CCDC171: variants seen among roughly 807,000 people sequenced by gnomAD.
The protein encoded by CCDC171 is coiled-coil domain containing 171.
Under a neutral mutation model 168.2 loss-of-function variants are expected in CCDC171, and 177 were observed. That is an observed-to-expected ratio of 1.05 (90% CI 0.93 to 1.19). The LOEUF (loss-of-function observed/expected upper bound fraction) is 1.19. Ranked by LOEUF, CCDC171 falls within the 50% of genes most tolerant of loss-of-function variation. CCDC171 has a pLI of 0.00. For missense variants in CCDC171, 1,991 were observed against 1,539.0 expected (o/e 1.29, Z -4.91); for synonymous variants, 687 against 540.8 (o/e 1.27, Z -3.75).
At chr9:15,770,242 A>G (rs1382731197) in intron 18 of CCDC171, among the ~76,000 whole-genome samples, 1 of 152,214 alleles carries the variant, frequency 6.6e-6, no homozygotes, top group Non-Finnish European at 1.5e-5. Flanking sequence ...CCACCCAAAA[A>G]GTTCAATGTT....
intron 12 of CCDC171, among the ~76,000 whole-genome samples, chr9:15,722,835 A>G (rs1034302977): frequency 1.3e-5 from 2 of 152,234 alleles, no homozygotes; most frequent in Non-Finnish European, 1.5e-5. Flanking sequence ...TTAAATTTCT[A>G]TGAGGAACAA....
Position 15,940,029 on chromosome 9 carries a change from T to C in CCDC171, c.3753+19607T>C, listed in dbSNP as rs932615268. On this transcript the variant is annotated intron_variant, in intron 25 of 25. Transcript: ENST00000380701. ...TTTTGTTTCTTCCAACAAAAATACT[T>C]TTGCTTTACTCAATGCGTACACTCT... 2.0e-5 allele frequency among the ~76,000 whole-genome samples: 3 copies of C among 151,912 alleles called. No homozygotes were observed. In the East Asian group the frequency reaches 5.8e-4, roughly 30 times the overall value.
intron 6 of CCDC171, among the ~76,000 whole-genome samples, chr9:16,032,881 T>C (rs568541945): frequency 6.6e-6 from 1 of 152,276 alleles, no homozygotes; most frequent in African/African-American, 2.4e-5. Flanking sequence ...CAGGGACAAA[T>C]GCACAGGCTC....
chr9:15,576,265 C>T (rs902434405), intron 3 of CCDC171, among the ~76,000 whole-genome samples: 2 of 151,692 alleles, frequency 1.3e-5, no homozygotes, highest in South Asian at 2.1e-4. Flanking sequence ...CTCCCTACAG[C>T]CTGGAACTCC....
intron 6 of CCDC171, among the ~76,000 whole-genome samples, chr9:15,621,617 A>C (rs1403920704): frequency 6.6e-6 from 1 of 152,242 alleles, no homozygotes; most frequent in African/African-American, 2.4e-5. Flanking sequence ...ATTATTAAAA[A>C]GTCAAAAAAT....
intron 21 of CCDC171, among the ~76,000 whole-genome samples, chr9:15,786,194 G>A (rs1270044452): frequency 6.6e-6 from 1 of 151,982 alleles, no homozygotes; most frequent in Non-Finnish European, 1.5e-5. Flanking sequence ...TCAACCTAAT[G>A]CATATTATTT....
chr9:15,714,719 G>C (rs2052946497), intron 11 of CCDC171, among the ~76,000 whole-genome samples: 1 of 152,150 alleles, frequency 6.6e-6, no homozygotes. Context: ...TTATTCACAG[G>C]TCCCTAGGTC....
chr9:15,578,536 C>A (rs1332755623), intron 3 of CCDC171, among the ~76,000 whole-genome samples: 1 of 151,002 alleles, frequency 6.6e-6, no homozygotes. Context: ...TCTCAAAGTG[C>A]TGGGATTACA....
At chr9:15,811,254 C>G (rs1390441932) in intron 21 of CCDC171, among the ~76,000 whole-genome samples, 2 of 152,180 alleles carry the variant, frequency 1.3e-5, no homozygotes, top group African/African-American at 4.8e-5. Context: ...AGTTATCAAA[C>G]TCTCTAACAA....
At chr9:15,587,349 T>C (rs930103903) in intron 4 of CCDC171, among the ~76,000 whole-genome samples, 5 of 152,202 alleles carry the variant, frequency 3.3e-5, no homozygotes, top group East Asian at 1.9e-4. Flanking sequence ...TCTTGTGATA[T>C]GGGTCTCACG....
intron 6 of CCDC171, among the ~76,000 whole-genome samples, chr9:15,596,621 A>G (rs200139487): frequency 2.0e-5 from 3 of 151,774 alleles, no homozygotes; most frequent in African/African-American, 4.8e-5. Context: ...TTGACTTGGC[A>G]ATGTGGGCTC....
intron 7 of CCDC171, among the ~76,000 whole-genome samples, chr9:15,635,457 G>C (rs1460966549): frequency 6.6e-6 from 1 of 152,114 alleles, no homozygotes; most frequent in African/African-American, 2.4e-5. Flanking sequence ...AGGGCAGGAA[G>C]CATCCAGCAC....
chr9:16,010,839 A>G (rs1052186890), intron 3 of CCDC171, among the ~76,000 whole-genome samples: 3 of 152,064 alleles, frequency 2.0e-5, no homozygotes, highest in Non-Finnish European at 2.9e-5. Context: ...AAAGCCATGG[A>G]CATGGGTTAG....
At chr9:15,613,789 C>A (rs988895487) in intron 6 of CCDC171, among the ~76,000 whole-genome samples, 2 of 152,038 alleles carry the variant, frequency 1.3e-5, no homozygotes, top group Admixed American at 1.3e-4. Flanking sequence ...TCCCAAAGTG[C>A]GGGGATTACA....
chr9:15,826,596 G>A (rs1040342020), intron 21 of CCDC171, among the ~76,000 whole-genome samples: 26 of 152,124 alleles, frequency 1.7e-4, no homozygotes, highest in African/African-American at 6.0e-4. Context: ...GGGAAAGCCT[G>A]GGTCACATCG....
At chr9:16,038,861 C>G (rs1381513739), upstream of CCDC171, among the ~76,000 whole-genome samples, 1 of 94,222 alleles carries the variant, frequency 1.1e-5, no homozygotes, top group South Asian at 3.5e-4. Context: ...AAAGACCTAT[C>G]AGGCCAAAAA....
chr9:15,902,745 C>T (rs1028985682), intron 24 of CCDC171, among the ~76,000 whole-genome samples: 2 of 152,204 alleles, frequency 1.3e-5, no homozygotes, highest in Non-Finnish European at 2.9e-5. Context: ...ATCACCTCAC[C>T]TGGGAAGCAC....
the CCDC171 span, among the ~76,000 whole-genome samples, chr9:16,105,650 T>C: frequency 6.6e-6 from 1 of 152,184 alleles, no homozygotes; most frequent in African/African-American, 2.4e-5. Flanking sequence ...AAAACCATTC[T>C]GTAAAGGAAA....
At chr9:15,827,794 C>T (rs1171490249) in intron 21 of CCDC171, among the ~76,000 whole-genome samples, 1 of 152,000 alleles carries the variant, frequency 6.6e-6, no homozygotes, top group Non-Finnish European at 1.5e-5. Flanking sequence ...GATTTTTGAG[C>T]CTTTAGTTTG....
Sources: gnomAD v4.1 joint callset for allele counts (sites outside exome capture counted in the v4.1 genomes callset) on GRCh38, gnomAD v4.1.1 for gene constraint, MANE v1.5 for transcripts, NCBI Gene and HGNC (gene_info 2026-07-23, HGNC 2026-07-21) for gene names.